Variants in RSRC2 observed in about 807,000 individuals in gnomAD.
RSRC2 encodes the protein arginine/serine-rich coiled-coil protein 2.
A neutral mutation model predicts 61.3 loss-of-function variants in RSRC2; 5 were observed. The ratio of observed to expected loss-of-function variants is 0.08; its 90% CI spans 0.04 to 0.17. The LOEUF (loss-of-function observed/expected upper bound fraction) is 0.17. RSRC2 is among the 10% of genes least tolerant of loss of function. RSRC2 has a pLI of 1.00. For missense variants in RSRC2, 381 were observed against 518.8 expected (o/e 0.73, Z 2.58); for synonymous variants, 202 against 166.5 (o/e 1.21, Z -1.64).
intron 5 of RSRC2, 103 bp from the exon 6 acceptor site, chr12:122,515,330 C>T: frequency 8.5e-7 from 1 of 1,179,378 alleles, no homozygotes; most frequent in Non-Finnish European, 1.2e-6. Flanking sequence ...GATACAAAAA[C>T]ATTTAGTTTG....
chr12:122,521,230 G>A, intron 3 of RSRC2, 155 bp downstream of exon 3: 1 of 498,018 alleles, frequency 2.0e-6, no homozygotes, highest in East Asian at 3.1e-5. Context: ...CTTCAAAAAT[G>A]ATGAATCAAA....
intron 6 of RSRC2, among the ~76,000 whole-genome samples, chr12:122,514,076 TAA>T (rs1046846207): frequency 7.2e-5 from 11 of 152,118 alleles, no homozygotes; most frequent in Non-Finnish European, 2.9e-5. Context: ...AATCAAAACC[TAA>T]AAAGTCTATT....
chr12:122,507,004 T>TAA (rs144251671), intron 8 of RSRC2, 81 bp from the exon 9 acceptor site: 116 of 593,586 alleles, frequency 2.0e-4, no homozygotes, highest in Admixed American at 5.0e-4. Flanking sequence ...ATGTCTAAAT[T>TAA]AAAAAAAAAA....
At chr12:122,526,770 G>C in intron 1 of RSRC2, 78 bp downstream of exon 1, 1 of 1,535,316 alleles carries the variant, frequency 6.5e-7, no homozygotes, top group Non-Finnish European at 9.0e-7. Context: ...ACACGAACAA[G>C]GTTCTGGGAG....
At position 122,503,672 on chromosome 12, in the gene RSRC2, C is replaced by T. The variant is rs1229472990; in HGVS notation, c.*1855G>A. 6.6e-6 allele frequency: 1 copy of T among 152,136 alleles called. No individual in the cohort carries two copies. Among genetic ancestry groups the T allele is most frequent in the African/African-American group, 2.4e-5 (1 of 41,436 alleles). 9.4% of individuals were successfully genotyped at this position (152,136 alleles called of 1,614,324 possible). A position where few individuals can be genotyped will look rare whatever the true frequency, so the allele number is the denominator to read the frequency against. On this transcript the variant is annotated 3_prime_UTR_variant, in exon 10 of 10. Coordinates refer to ENST00000331738, the MANE Select transcript of RSRC2 (RefSeq NM_023012.6). Reference sequence around the variant, plus strand: ...GTTGATGATCACGAAATGAAGGATCCATAGTGTCATTTCCTTAGAAGGCTT... The same window carrying T: ...GTTGATGATCACGAAATGAAGGATCTATAGTGTCATTTCCTTAGAAGGCTT...
intron 1 of RSRC2, chr12:122,523,608 T>C (rs968096578): frequency 7.9e-5 from 12 of 152,184 alleles, no homozygotes; most frequent in South Asian, 2.1e-4. Context: ...GGAATCTGGA[T>C]TGAATAAATA....
At chr12:122,518,760 T>C (rs1959108064) in intron 4 of RSRC2, 79 bp downstream of exon 4, 1 of 1,119,826 alleles carries the variant, frequency 8.9e-7, no homozygotes, top group African/African-American at 1.6e-5. Flanking sequence ...AATTATGATT[T>C]TTTTGGGTGT....
chr12:122,520,691 G>T, intron 3 of RSRC2: 1 of 663,590 alleles, frequency 1.5e-6, no homozygotes, highest in Admixed American at 2.5e-5. Context: ...TACGGGAAGA[G>T]GTGAAGTCCC....
intron 4 of RSRC2, among the ~76,000 whole-genome samples, chr12:122,517,860 C>T (rs1295270439): frequency 6.6e-6 from 1 of 152,132 alleles, no homozygotes; most frequent in Non-Finnish European, 1.5e-5. Flanking sequence ...ATCTTTTTAT[C>T]TATACTCCAA....
rs769303327 is a variant in RSRC2 at position 122,505,590 on chromosome 12, G to A, written c.1242C>T (p.Thr414=). Residue 414 remains threonine, a synonymous_variant, in exon 10 of 10, where the codon ACC becomes ACT. Coordinates refer to ENST00000331738, the MANE Select transcript of RSRC2 (RefSeq NM_023012.6). The part of the protein sequence containing the change: ...DAQYEMARSQ[T]HTQRGMGLGF... ...CCAAACCCATTCCTCTTTGTGTGTGGGTTTGTGATCTTGCCATTTCATACT... is the reference window on the plus strand; with the variant it reads ...CCAAACCCATTCCTCTTTGTGTGTGAGTTTGTGATCTTGCCATTTCATACT... 2.5e-6 allele frequency: 4 copies of A among 1,614,006 alleles called. No individual in the cohort carries two copies. In the East Asian group the frequency reaches 6.7e-5, roughly 27 times the overall value.
Position 122,505,784 on chromosome 12 carries a change from ATTT to A in RSRC2, c.1126-81_1126-79del, listed in dbSNP as rs576425889. On this transcript the variant is annotated intron_variant, in intron 9 of 9. Transcript: ENST00000331738. ...TCTCACTTGACACTATTTTTTATGT[ATTT>A]TTTTTTTTTGAGATGGAGTCTTGCT... The A allele has an allele frequency of 6.8e-5, 72 of 1,062,994 alleles. No individual in the cohort carries two copies. The African/African-American group carries it at 9.6e-4, about 14-fold the overall frequency. The allele number at this position is 1,062,994 out of a possible 1,614,324, so 65.8% of individuals were successfully genotyped here.
chr12:122,514,272 T>G lies in RSRC2; in HGVS notation c.725+833A>C, dbSNP rs559119043. Among the ~76,000 whole-genome samples, 91 of 149,096 alleles carry G rather than the reference T, an allele frequency of 6.1e-4. 1 individual carries two copies. Among genetic ancestry groups the G allele is most frequent in the Middle Eastern group, 3.5e-3 (1 of 288 alleles). ...TTTTTGTGTGTGTGTGTGTGTGTGT[T>G]TTTTTTTTTTGAGACTGAGTCTCGC... is the stretch of plus-strand genomic sequence containing the variant. On this transcript the variant is annotated intron_variant, in intron 6 of 9. Coordinates refer to ENST00000331738, the MANE Select transcript of RSRC2 (RefSeq NM_023012.6).
In RSRC2 at chr12:122,518,847, A is replaced by G. The variant is rs775523611; in HGVS notation, c.390T>C (p.Ser130=). The G allele has an allele frequency of 6.2e-7, 1 of 1,613,662 alleles. No individual in the cohort carries two copies. Among genetic ancestry groups the G allele is most frequent in the Non-Finnish European group, 8.5e-7 (1 of 1,179,582 alleles). The change falls in exon 4 of 10, where the codon TCT becomes TCC. Residue 130 remains serine, a synonymous_variant. Coordinates refer to ENST00000331738, the MANE Select transcript of RSRC2 (RefSeq NM_023012.6). ...SRGRSHSRSR[S]RERRHRSRSR... is the part of the protein sequence containing the mutation. ...AATACAACATGACTTACCTTTCACG[A>G]GACCTAGATCTTGAGTGACTTCTGC...
chr12:122,526,797 G>A (rs749137524), intron 1 of RSRC2, 51 bp downstream of exon 1: 3 of 1,606,262 alleles, frequency 1.9e-6, no homozygotes, highest in Non-Finnish European at 2.6e-6. Context: ...ACCCACTGTT[G>A]GAACGTAGCA....
chr12:122,506,799 T>A, intron 9 of RSRC2, 35 bp downstream of exon 9: 1 of 1,233,624 alleles, frequency 8.1e-7, no homozygotes, highest in South Asian at 1.2e-5. Flanking sequence ...GGCTAATAGC[T>A]AATACAAAGA....
Position 122,508,786 on chromosome 12 carries a change from G to A in RSRC2, c.806-339C>T, listed in dbSNP as rs544814988. Among the ~76,000 whole-genome samples, 11 of 151,980 alleles carry A rather than the reference G, an allele frequency of 7.2e-5. No individual in the cohort carries two copies. In the East Asian group the frequency reaches 7.8e-4, roughly 11 times the overall value. ...AGCCTGACCAACATGGAGAAACCCC[G>A]TCTCTACCAAAAATACAAAATTAGC... On this transcript the variant is annotated intron_variant, in intron 7 of 9. Transcript: ENST00000331738.
At chr12:122,507,176 G>A (rs1027561261) in intron 8 of RSRC2, 2 of 463,898 alleles carry the variant, frequency 4.3e-6, no homozygotes, top group Non-Finnish European at 3.9e-6. Flanking sequence ...TCAGGGGATC[G>A]AGACTAGCCT....
intron 6 of RSRC2, 155 bp downstream of exon 6, chr12:122,514,950 G>T (rs894403805): frequency 5.9e-6 from 5 of 842,310 alleles, no homozygotes; most frequent in Non-Finnish European, 9.0e-6. Context: ...TTTAGGATGA[G>T]AATTAAACTA....
Position 122,504,281 on chromosome 12 carries a change from T to G in RSRC2, c.*1246A>C, listed in dbSNP as rs1958002105. On this transcript the variant is annotated 3_prime_UTR_variant, in exon 10 of 10. Coordinates refer to ENST00000331738, the MANE Select transcript of RSRC2 (RefSeq NM_023012.6). ...TAACTGAAGTAAATTAACTTCAAGTTTTGCAGGCCCCCCCCACCCCTTGGC... is the reference window on the plus strand; with the variant it reads ...TAACTGAAGTAAATTAACTTCAAGTGTTGCAGGCCCCCCCCACCCCTTGGC... The G allele has an allele frequency of 6.6e-6, 1 of 152,172 alleles. No individual in the cohort carries two copies. Among genetic ancestry groups the G allele is most frequent in the Non-Finnish European group, 1.5e-5 (1 of 68,084 alleles). The allele number at this position is 152,172 out of a possible 1,614,324, so 9.4% of individuals were successfully genotyped here.
Sources: gnomAD v4.1 joint callset for allele counts (sites outside exome capture counted in the v4.1 genomes callset) on GRCh38, gnomAD v4.1.1 for gene constraint, MANE v1.5 for transcripts, NCBI Gene and HGNC (gene_info 2026-07-23, HGNC 2026-07-21) for gene names.